The following GRAMD1A variants were observed in gnomAD, a reference collection of about 807,000 sequenced individuals.
GRAMD1A encodes GRAM domain containing 1A.
GRAMD1A carries 50 observed loss-of-function variants against 92.0 expected under a neutral mutation model. The ratio of observed to expected loss-of-function variants is 0.54; its 90% CI spans 0.43 to 0.69. GRAMD1A has a LOEUF of 0.69. Among genes scored for constraint, GRAMD1A ranks in the 30% least tolerant of loss-of-function variants. The pLI, the probability that GRAMD1A is intolerant of heterozygous loss-of-function variation, is 0.00. For missense variants in GRAMD1A, 819 were observed against 978.9 expected (o/e 0.84, Z 2.18); for synonymous variants, 405 against 403.6 (o/e 1.00, Z -0.04).
chr19:35,019,506 G>T lies in GRAMD1A; in HGVS notation c.1448G>T (p.Gly483Val), dbSNP rs767192433. The change falls in exon 13 of 20, where the codon GGT (glycine) becomes GTT (valine). Residue 483 changes from glycine to valine, a missense_variant. Physicochemically the swap from Gly to Val is moderately radical, Grantham distance 109 (BLOSUM62 -3). Around this residue, in one of 3 missense-constraint regions of GRAMD1A, gnomAD observed 577 missense variants for 674.6 expected, o/e 0.86. Transcript: ENST00000317991. ...FYTAHRYCILGLARNKARLRV... is the reference protein window; with the variant it reads ...FYTAHRYCILVLARNKARLRV... The stretch of plus-strand genomic sequence containing the variant: ...ACTGCCCACCGCTACTGCATCCTGG[G>T]TCTGGCCCGGAACAAGGCGCGGCTC... The T allele has an allele frequency of 1.2e-6, 2 of 1,613,954 alleles. No homozygotes were observed. Among genetic ancestry groups the T allele is most frequent in the African/African-American group, 2.7e-5 (2 of 74,938 alleles).
At chr19:35,002,287 T>A (rs958147055) in intron 1 of GRAMD1A, 3 of 152,342 alleles carry the variant, frequency 2.0e-5, no homozygotes, top group Admixed American at 6.5e-5. Context: ...GTCCTCGAGA[T>A]CCACGCCCTG....
In GRAMD1A at chr19:35,011,908, C is replaced by T. The variant is rs1015737750; in HGVS notation, c.606+354C>T. ...CACCTCAGAGAGCCCCAGCCCCATC[C>T]TCCGGCTGAGCGGCACTCACGCGCT... On this transcript the variant is annotated intron_variant, in intron 7 of 19. Coordinates refer to ENST00000317991, the MANE Select transcript of GRAMD1A (RefSeq NM_020895.5). 7.9e-5 allele frequency among the ~76,000 whole-genome samples: 12 copies of T among 152,222 alleles called. 1 individual carries two copies. Among genetic ancestry groups the T allele is most frequent in the Non-Finnish European group, 1.5e-4 (10 of 68,034 alleles).
intron 7 of GRAMD1A, among the ~76,000 whole-genome samples, chr19:35,012,668 A>C (rs932547714): frequency 1.3e-5 from 2 of 152,238 alleles, no homozygotes; most frequent in Non-Finnish European, 2.9e-5. Context: ...TATGCTCTGT[A>C]AAGATGGGAA....
Position 35,021,398 on chromosome 19 carries a change from G to A in GRAMD1A, c.1476-104G>A. 1.2e-6 allele frequency: 1 copy of A among 814,954 alleles called. No homozygotes were observed. The allele number at this position is 814,954 out of a possible 1,614,324, so 50.5% of individuals were successfully genotyped here. A position where few individuals can be genotyped will look rare whatever the true frequency, so the allele number is the denominator to read the frequency against. On this transcript the variant is annotated intron_variant, in intron 13 of 19. Transcript: ENST00000317991. This position sits in a 1 kb window ranked among gnomAD's most constrained non-coding sequence, Gnocchi z 5.3. ...ATCTGTTTTGTCTGTGAGTGACAAG[G>A]GGCCCTCTCTGAATTAGGGGAAGGA...
Position 35,021,680 on chromosome 19 carries a change from CTT to C in GRAMD1A, c.1580-8_1580-7del. The C allele has an allele frequency of 6.2e-7, 1 of 1,614,140 alleles. No individual in the cohort carries two copies. The highest frequency in any genetic ancestry group is 1.3e-5 in the African/African-American group (1 of 75,076). On this transcript the variant is annotated splice_polypyrimidine_tract_variant and intron_variant, in intron 14 of 19. Coordinates refer to ENST00000317991, the MANE Select transcript of GRAMD1A (RefSeq NM_020895.5). This position sits in a 1 kb window ranked among gnomAD's most constrained non-coding sequence, Gnocchi z 5.3. ...GGTATGGACATCCAGAGCCCCCTCT[CTT>C]TTACGCAGAGCGAGAGCTCGCCAAG...
rs746871967 is a variant in GRAMD1A at position 35,009,146 on chromosome 19, G to A, written c.36G>A (p.Thr12=). The change falls in exon 2 of 20, where the codon ACG becomes ACA. Residue 12 remains threonine (T), a synonymous_variant. Transcript: ENST00000317991. ...FDTTPHSGRS[T]PSSSPSLRKR... ...CCACACCCCACTCTGGCCGGAGCAC[G>A]CCAAGCAGCTCCCCATCGCTCCGGA... 38 of 1,613,312 alleles carry A rather than the reference G, an allele frequency of 2.4e-5. No individual in the cohort carries two copies. The highest frequency in any genetic ancestry group is 1.8e-4 in the East Asian group (8 of 44,872).
In GRAMD1A at chr19:35,021,519, G is replaced by A. The variant is rs776422595; in HGVS notation, c.1493G>A (p.Arg498His). 3.9e-5 allele frequency: 63 copies of A among 1,613,600 alleles called. No individual in the cohort carries two copies. The highest frequency in any genetic ancestry group is 5.0e-5 in the Admixed American group (3 of 60,010). Residue 498 changes from arginine (R) to histidine (H), a missense_variant, in exon 14 of 20, where the codon CGC (arginine) becomes CAC (histidine). This residue lies in a region of GRAMD1A where 577 missense variants were observed against 674.6 expected (regional missense o/e 0.86). Coordinates refer to ENST00000317991, the MANE Select transcript of GRAMD1A (RefSeq NM_020895.5). The surrounding 1 kb of genome is among the most constrained non-coding windows in gnomAD (Gnocchi z 5.3). ...KARLRVSSEI[R>H]YRKQPWSLVK... ...AACCCCAGAGTGTCTTCTGAGATCC[G>A]CTACCGAAAGCAGCCGTGGAGCCTG...
chr19:35,012,632 C>T (rs1191289826), intron 7 of GRAMD1A, among the ~76,000 whole-genome samples: 1 of 152,244 alleles, frequency 6.6e-6, no homozygotes. Context: ...ACTTTCCCTA[C>T]ATGACTTCCC....
chr19:35,023,380 C>T (rs1291066710), intron 18 of GRAMD1A, 37 bp downstream of exon 18: 1 of 1,613,474 alleles, frequency 6.2e-7, no homozygotes, highest in Non-Finnish European at 8.5e-7. Context: ...GGGGCTTGGG[C>T]ACATCGGGGG....
Position 35,021,396 on chromosome 19 carries a change from A to AG in GRAMD1A, c.1476-102dup. On this transcript the variant is annotated intron_variant, in intron 13 of 19. Transcript: ENST00000317991. The surrounding 1 kb of genome is among the most constrained non-coding windows in gnomAD (Gnocchi z 5.3). The stretch of plus-strand genomic sequence containing the variant: ...CCATCTGTTTTGTCTGTGAGTGACA[A>AG]GGGGCCCTCTCTGAATTAGGGGAAG... 1.2e-6 allele frequency: 1 copy of AG among 806,226 alleles called. No homozygotes were observed. The highest frequency in any genetic ancestry group is 1.7e-5 in the African/African-American group (1 of 59,494). The allele number at this position is 806,226 out of a possible 1,614,324, so 49.9% of individuals were successfully genotyped here. A position where few individuals can be genotyped will look rare whatever the true frequency, so the allele number is the denominator to read the frequency against.
chr19:35,017,796 C>G (rs566259764), intron 11 of GRAMD1A, among the ~76,000 whole-genome samples: 69 of 152,212 alleles, frequency 4.5e-4, no homozygotes, highest in South Asian at 3.1e-3. Context: ...CCCAGATACT[C>G]ACAGCTTCTG....
chr19:35,019,353 G>A (rs1316731085), intron 12 of GRAMD1A, 38 bp from the exon 13 acceptor site: 1 of 1,613,230 alleles, frequency 6.2e-7, no homozygotes, highest in Non-Finnish European at 8.5e-7. Context: ...AGCTGGGTGA[G>A]TGGGGTGGCC....
chr19:35,013,767 A>C lies in GRAMD1A; in HGVS notation c.870+76A>C. 4 of 1,410,520 alleles carry C rather than the reference A, an allele frequency of 2.8e-6. No homozygotes were observed. Among genetic ancestry groups the C allele is most frequent in the Non-Finnish European group, 3.9e-6 (4 of 1,021,382 alleles). The allele number at this position is 1,410,520 out of a possible 1,614,324, so 87.4% of individuals were successfully genotyped here. On this transcript the variant is annotated intron_variant, in intron 9 of 19. Coordinates refer to ENST00000317991, the MANE Select transcript of GRAMD1A (RefSeq NM_020895.5). This position sits in a 1 kb window ranked among gnomAD's most constrained non-coding sequence, Gnocchi z 4.9. ...GGGCTGGGGGTGCAGTGGGAGAAGA[A>C]CAGCCTGACAGATTTGGAGGGGAAT...
Position 35,013,329 on chromosome 19 carries a change from AT to A in GRAMD1A, c.681del (p.Asp227GlufsTer10). 1 of 1,554,760 alleles carries A rather than the reference AT, an allele frequency of 6.4e-7. No individual in the cohort carries two copies. The highest frequency in any genetic ancestry group is 8.7e-7 in the Non-Finnish European group (1 of 1,148,022). ...TCAGAGCTGGGCCTCACCAGTGAGG[AT>A]GAGGACTATGTCTCCCCCTTGCAGC... is the stretch of plus-strand genomic sequence containing the variant. ...YGSELGLTSE[D>X]EDYVSPLQLN... is the part of the protein sequence containing the mutation. On this transcript the variant is annotated frameshift_variant, in exon 8 of 20. Transcript: ENST00000317991. LOFTEE classifies it high-confidence loss of function. The surrounding 1 kb of genome is among the most constrained non-coding windows in gnomAD (Gnocchi z 4.9).
At chr19:35,020,658 C>CAAA (rs56181450) in intron 13 of GRAMD1A, among the ~76,000 whole-genome samples, 103 of 112,292 alleles carry the variant, frequency 9.2e-4, no homozygotes, top group African/African-American at 3.0e-3. Context: ...GACCCTGTCT[C>CAAA]AAAAAAAAAA....
In GRAMD1A at chr19:35,000,529, G is replaced by A. The variant is rs1388837140; in HGVS notation, c.8+43G>A. ...AGAGCTCAGGGACCGGGCGCGCGGG[G>A]GAGGCCACCGGAGGGAGGGGGCGCC... On this transcript the variant is annotated intron_variant, in intron 1 of 19. Coordinates refer to ENST00000317991, the MANE Select transcript of GRAMD1A (RefSeq NM_020895.5). This position sits in a 1 kb window ranked among gnomAD's most constrained non-coding sequence, Gnocchi z 4.9. 2 of 1,247,504 alleles carry A rather than the reference G, an allele frequency of 1.6e-6. No homozygotes were observed. Among genetic ancestry groups the A allele is most frequent in the Non-Finnish European group, 2.0e-6 (2 of 988,662 alleles). The allele number at this position is 1,247,504 out of a possible 1,614,324, so 77.3% of individuals were successfully genotyped here. A position where few individuals can be genotyped will look rare whatever the true frequency, so the allele number is the denominator to read the frequency against.
intron 7 of GRAMD1A, 73 bp downstream of exon 7, chr19:35,011,627 T>C: frequency 1.8e-6 from 2 of 1,110,566 alleles, no homozygotes; most frequent in Non-Finnish European, 2.7e-6. Context: ...CCCCAGAACT[T>C]GCGGAGCTGG....
At chr19:35,018,236 C>T (rs2015781403) in intron 11 of GRAMD1A, among the ~76,000 whole-genome samples, 1 of 152,160 alleles carries the variant, frequency 6.6e-6, no homozygotes. Flanking sequence ...GATCCTCCTG[C>T]CTCGGCCTCC....
chr19:35,006,195 G>T (rs767861452), intron 1 of GRAMD1A, among the ~76,000 whole-genome samples: 18 of 152,152 alleles, frequency 1.2e-4, no homozygotes, highest in Admixed American at 3.9e-4. Context: ...GGTGGTGGGT[G>T]CCTGTAATCC....
Sources: gnomAD v4.1 joint callset for allele counts (sites outside exome capture counted in the v4.1 genomes callset) on GRCh38, gnomAD v4.1.1 for gene constraint, gnomAD v4.1.1 regional missense constraint, Gnocchi (gnomAD v3.1) non-coding constraint, MANE v1.5 for transcripts, NCBI Gene and HGNC (gene_info 2026-07-23, HGNC 2026-07-21) for gene names.